The following OSBPL5 variants were observed in gnomAD, a reference collection of about 807,000 sequenced individuals.
OSBPL5 encodes oxysterol-binding protein-related protein 5.
A neutral mutation model predicts 111.2 loss-of-function variants in OSBPL5; 71 were observed. That is an observed-to-expected ratio of 0.64 (90% confidence interval 0.53 to 0.78). The LOEUF (loss-of-function observed/expected upper bound fraction) is 0.78. Ranked by LOEUF, OSBPL5 falls within the 30% of genes least tolerant of loss-of-function variation. The probability of loss-of-function intolerance (pLI) is 0.00; values close to 1 mark genes in which losing one functional copy is unlikely to be tolerated. For missense variants in OSBPL5, 1,210 were observed against 1,189.3 expected, an observed-to-expected ratio of 1.02 and a Z score of -0.26; for synonymous variants, 549 against 513.9, an observed-to-expected ratio of 1.07 and a Z score of -0.93.
In OSBPL5 at chr11:3,107,256, C is replaced by G. The variant is rs149707399; in HGVS notation, c.1059+7G>C. ...ACGCTTGGGGCTCCTGGCTGGGGGGCTCTCACCTCCCCCAGCTCCTCCTGG... is the reference window on the plus strand; with the variant it reads ...ACGCTTGGGGCTCCTGGCTGGGGGGGTCTCACCTCCCCCAGCTCCTCCTGG... On this transcript the variant is annotated splice_region_variant and intron_variant, in intron 9 of 21. Coordinates refer to ENST00000263650, the MANE Select transcript of OSBPL5 (RefSeq NM_020896.4). This position sits in a 1 kb window ranked among gnomAD's most constrained non-coding sequence, Gnocchi z 6.1. 2.5e-3 allele frequency: 4,076 copies of G among 1,609,958 alleles called. 84 individuals carry two copies. The African/African-American group carries it at 0.047, about 19-fold the overall frequency.
rs1309943822 is a variant in OSBPL5, at chr11:3,088,058, T to C, written c.*147A>G. On this transcript the variant is annotated 3_prime_UTR_variant, in exon 22 of 22. Coordinates refer to ENST00000263650, the MANE Select transcript of OSBPL5 (RefSeq NM_020896.4). ...CAGCACACCTGGGCCCGCAGCGCCTTGTGGCCCCGGGTCCCTCCTGCGCCT... is the reference window on the plus strand; with the variant it reads ...CAGCACACCTGGGCCCGCAGCGCCTCGTGGCCCCGGGTCCCTCCTGCGCCT... The C allele has an allele frequency of 2.2e-5, 16 of 734,134 alleles. No individual in the cohort carries two copies. Among genetic ancestry groups the C allele is most frequent in the Admixed American group, 3.7e-5 (1 of 27,122 alleles). The allele number at this position is 734,134 out of a possible 1,614,324, so 45.5% of individuals were successfully genotyped here. A position where few individuals can be genotyped will look rare whatever the true frequency, so the allele number is the denominator to read the frequency against.
chr11:3,159,293 C>G (rs892760146), intron 1 of OSBPL5, among the ~76,000 whole-genome samples: 3 of 152,160 alleles, frequency 2.0e-5, no homozygotes, highest in African/African-American at 7.2e-5. Context: ...TGTAGCTCGT[C>G]TTTGAGCATT....
chr11:3,125,794 G>T (rs1304786284), intron 3 of OSBPL5, among the ~76,000 whole-genome samples: 1 of 117,114 alleles, frequency 8.5e-6, no homozygotes, highest in African/African-American at 3.5e-5. Context: ...GACAGAGCGA[G>T]ACTCCGTCTC....
intron 1 of OSBPL5, among the ~76,000 whole-genome samples, chr11:3,144,726 C>A (rs1846279289): frequency 6.6e-6 from 1 of 152,242 alleles, no homozygotes; most frequent in African/African-American, 2.4e-5. Context: ...TCCTGCAAGC[C>A]CGGGGTCTGC....
At chr11:3,103,779 CTG>C (rs1857565282) in intron 10 of OSBPL5, among the ~76,000 whole-genome samples, 1 of 57,616 alleles carries the variant, frequency 1.7e-5, no homozygotes, top group Non-Finnish European at 4.3e-5. Context: ...CTTCCAGCCT[CTG>C]CAGTCCCTTC....
Position 3,107,196 on chromosome 11 carries a change from C to A in OSBPL5, c.1059+67G>T. On this transcript the variant is annotated intron_variant, in intron 9 of 21. Coordinates refer to ENST00000263650, the MANE Select transcript of OSBPL5 (RefSeq NM_020896.4). This position sits in a 1 kb window ranked among gnomAD's most constrained non-coding sequence, Gnocchi z 6.1. ...TCCCCCTAGGATGAGGCATGGCTACCTCTGCTTCCGGAACAAGGGGCCGAG... is the reference window on the plus strand; with the variant it reads ...TCCCCCTAGGATGAGGCATGGCTACATCTGCTTCCGGAACAAGGGGCCGAG... 6.4e-7 allele frequency: 1 copy of A among 1,554,086 alleles called. No individual in the cohort carries two copies. Among genetic ancestry groups the A allele is most frequent in the Non-Finnish European group, 8.7e-7 (1 of 1,151,230 alleles).
rs959616737 is a variant in OSBPL5, at chr11:3,142,146, C to T, written c.-21-12977G>A. Among the ~76,000 whole-genome samples, 5 of 152,186 alleles carry T rather than the reference C, an allele frequency of 3.3e-5. No homozygotes were observed. Among genetic ancestry groups the T allele is most frequent in the African/African-American group, 4.8e-5 (2 of 41,462 alleles). ...GTTGGCCAGGCTGGTCTCCAACTCC[C>T]GACCTCAAGTGATCTGCCCTCCTCG... On this transcript the variant is annotated intron_variant, in intron 1 of 21. Transcript: ENST00000263650. The surrounding 1 kb of genome is among the most constrained non-coding windows in gnomAD (Gnocchi z 7.1).
chr11:3,137,083 C>A (rs548496551), intron 1 of OSBPL5, among the ~76,000 whole-genome samples: 1 of 152,210 alleles, frequency 6.6e-6, no homozygotes, highest in African/African-American at 2.4e-5. Flanking sequence ...CAACACCATA[C>A]GTTTGCATTC....
intron 7 of OSBPL5, among the ~76,000 whole-genome samples, chr11:3,117,144 A>G (rs1858240891): frequency 6.6e-6 from 1 of 152,218 alleles, no homozygotes; most frequent in Non-Finnish European, 1.5e-5. Context: ...AATCGGAGAA[A>G]TTGGTTATTT....
intron 1 of OSBPL5, among the ~76,000 whole-genome samples, chr11:3,158,071 C>T (rs534194324): frequency 1.1e-4 from 16 of 152,350 alleles, no homozygotes; most frequent in African/African-American, 2.4e-4. Context: ...GGCCCTGTCC[C>T]GAAGCGGCCT....
chr11:3,108,157 A>AC (rs886105632), intron 7 of OSBPL5, among the ~76,000 whole-genome samples: 27 of 152,208 alleles, frequency 1.8e-4, no homozygotes, highest in African/African-American at 6.0e-4. Context: ...GACATCGGGA[A>AC]CCCCTGAGGA....
chr11:3,156,551 C>T (rs541261280), intron 1 of OSBPL5, among the ~76,000 whole-genome samples: 11 of 152,046 alleles, frequency 7.2e-5, no homozygotes, highest in Non-Finnish European at 1.3e-4. Flanking sequence ...GGGAAAGAAT[C>T]GAGCTCTGGG....
At chr11:3,145,197 C>G (rs562227627) in intron 1 of OSBPL5, among the ~76,000 whole-genome samples, 2 of 152,238 alleles carry the variant, frequency 1.3e-5, no homozygotes, top group African/African-American at 2.4e-5. Context: ...ACTTGCCCCA[C>G]TGCCTCCCAT....
rs372927570 is a variant in OSBPL5 at position 3,096,356 on chromosome 11, C to T, written c.1622-2022G>A. On this transcript the variant is annotated intron_variant, in intron 14 of 21. Coordinates refer to ENST00000263650, the MANE Select transcript of OSBPL5 (RefSeq NM_020896.4). ...AATCCCGGCCTGGCGTGGGGGCTCACGCCTGTAATCCCAGCACTTTGGGAG... is the reference window on the plus strand; with the variant it reads ...AATCCCGGCCTGGCGTGGGGGCTCATGCCTGTAATCCCAGCACTTTGGGAG... Among the ~76,000 whole-genome samples the T allele has an allele frequency of 2.1e-4, 32 of 152,260 alleles. No individual in the cohort carries two copies. The East Asian group carries it at 3.1e-3, about 15-fold the overall frequency.
chr11:3,098,929 C>T (rs756907460), intron 14 of OSBPL5, among the ~76,000 whole-genome samples: 2 of 152,028 alleles, frequency 1.3e-5, no homozygotes, highest in Non-Finnish European at 2.9e-5. Flanking sequence ...TTCAACCTCC[C>T]AAGGCTGGGA....
At chr11:3,153,263 T>A (rs1846647154) in intron 1 of OSBPL5, among the ~76,000 whole-genome samples, 1 of 151,840 alleles carries the variant, frequency 6.6e-6, no homozygotes, top group Non-Finnish European at 1.5e-5. Flanking sequence ...AGATAAGTCA[T>A]TCCAAAAGCC....
chr11:3,107,196 C>T lies in OSBPL5; in HGVS notation c.1059+67G>A, dbSNP rs1013928773. 1 of 1,553,968 alleles carries T rather than the reference C, an allele frequency of 6.4e-7. No homozygotes were observed. The highest frequency in any genetic ancestry group is 1.9e-5 in the Admixed American group (1 of 51,666). On this transcript the variant is annotated intron_variant, in intron 9 of 21. Transcript: ENST00000263650. The surrounding 1 kb of genome is among the most constrained non-coding windows in gnomAD (Gnocchi z 6.1). ...TCCCCCTAGGATGAGGCATGGCTAC[C>T]TCTGCTTCCGGAACAAGGGGCCGAG...
At chr11:3,112,072 T>TGC (rs1564837692) in intron 7 of OSBPL5, among the ~76,000 whole-genome samples, 5 of 67,470 alleles carry the variant, frequency 7.4e-5, no homozygotes, top group African/African-American at 3.8e-4. Flanking sequence ...TATGTGTGTG[T>TGC]GCATGTGTGT....
At position 3,093,658 on chromosome 11, in the gene OSBPL5, C is replaced by G. The variant is rs146135257; in HGVS notation, c.1815G>C (p.Arg605Ser). ...TCCCTTCCTCCTTGATAAACACGTC[C>G]CTGTCCTGCCCCAGATGGCCAGCGG... ...VLASLSGHWD[R>S]DVFIKEEGSG... The change falls in exon 17 of 22, where the codon AGG becomes AGC. Residue 605 changes from arginine (R) to serine (S), a missense_variant. Transcript: ENST00000263650. The G allele has an allele frequency of 7.1e-5, 115 of 1,613,132 alleles. No homozygotes were observed. The highest frequency in any genetic ancestry group is 1.1e-5 in the South Asian group (1 of 91,092).
Sources: gnomAD v4.1 joint callset for allele counts (sites outside exome capture counted in the v4.1 genomes callset) on GRCh38, gnomAD v4.1.1 for gene constraint, Gnocchi (gnomAD v3.1) non-coding constraint, MANE v1.5 for transcripts, NCBI Gene and HGNC (gene_info 2026-07-23, HGNC 2026-07-21) for gene names.